The following KIAA1549L variants were observed in gnomAD, a reference collection of about 807,000 sequenced individuals.
KIAA1549L encodes the protein UPF0606 protein KIAA1549L.
KIAA1549L carries 88 observed loss-of-function variants against 160.7 expected under a neutral mutation model. The ratio of observed to expected loss-of-function variants is 0.55; its 90% CI spans 0.46 to 0.65. The LOEUF is 0.65. Ranked by LOEUF, KIAA1549L falls within the 30% of genes least tolerant of loss-of-function variation. KIAA1549L has a pLI of 0.00. For synonymous variants in KIAA1549L, 950 were observed against 976.7 expected (o/e 0.97, Z 0.51); for missense variants, 2,258 against 2,437.5 (o/e 0.93, Z 1.55).
intron 1 of KIAA1549L, among the ~76,000 whole-genome samples, chr11:33,502,764 A>G (rs1368384643): frequency 6.6e-6 from 1 of 152,216 alleles, no homozygotes. Flanking sequence ...CAGACCTCAG[A>G]TCCACCACTT....
At chr11:33,657,599 C>T (rs1266191225) in intron 18 of KIAA1549L, among the ~76,000 whole-genome samples, 2 of 151,994 alleles carry the variant, frequency 1.3e-5, no homozygotes, top group South Asian at 2.1e-4. Context: ...GAGTTTGAGA[C>T]CAGCCTGGAC....
At chr11:33,642,370 ATTTTC>A (rs933410680) in intron 16 of KIAA1549L, among the ~76,000 whole-genome samples, 3 of 152,122 alleles carry the variant, frequency 2.0e-5, no homozygotes, top group African/African-American at 7.2e-5. Flanking sequence ...TGAATGTAAA[ATTTTC>A]TTTTCAATTC....
chr11:33,513,913 T>C (rs894718252), intron 1 of KIAA1549L, among the ~76,000 whole-genome samples: 2 of 152,152 alleles, frequency 1.3e-5, no homozygotes, highest in African/African-American at 2.4e-5. Flanking sequence ...CCCTCTACTG[T>C]CTGAAAATTA....
At position 33,398,118 on chromosome 11, in the gene KIAA1549L, C is replaced by T. The variant is rs531757469; in HGVS notation, c.238+21229C>T. 3.3e-5 allele frequency among the ~76,000 whole-genome samples: 5 copies of T among 151,396 alleles called. No homozygotes were observed. The East Asian group carries it at 9.8e-4, about 30-fold the overall frequency. On this transcript the variant is annotated intron_variant, in intron 1 of 20. Transcript: ENST00000658780. ...TGTATTTTTAGTAGAGACGGGGTTT[C>T]GCCATGTAGGCCAGGCTGCTCTTAA...
intron 1 of KIAA1549L, among the ~76,000 whole-genome samples, chr11:33,447,188 G>A (rs1010418401): frequency 6.6e-6 from 1 of 152,158 alleles, no homozygotes; most frequent in African/African-American, 2.4e-5. Context: ...AACTGTGCAG[G>A]TGGAAAGTCA....
At chr11:33,490,268 C>G (rs1466480909) in intron 1 of KIAA1549L, among the ~76,000 whole-genome samples, 1 of 151,746 alleles carries the variant, frequency 6.6e-6, no homozygotes, top group African/African-American at 2.4e-5. Flanking sequence ...TCCAAGGCCC[C>G]AGGCATGAAG....
intron 17 of KIAA1549L, among the ~76,000 whole-genome samples, chr11:33,649,151 T>C (rs969243778): frequency 3.3e-5 from 5 of 152,104 alleles, no homozygotes; most frequent in East Asian, 1.9e-4. Flanking sequence ...GGGTGACTTA[T>C]AGGGACATCT....
chr11:33,403,399 A>ACT, intron 1 of KIAA1549L: 4 of 151,558 alleles, frequency 2.6e-5, no homozygotes, highest in African/African-American at 9.9e-5. Flanking sequence ...ACACACATGG[A>ACT]CATGGACACA....
At chr11:33,380,711 A>G (rs1300785407) in intron 1 of KIAA1549L, among the ~76,000 whole-genome samples, 1 of 152,094 alleles carries the variant, frequency 6.6e-6, no homozygotes, top group Non-Finnish European at 1.5e-5. Context: ...TAAGAATTTT[A>G]TGAATCTGGG....
At chr11:33,500,710 C>A (rs951076633) in intron 1 of KIAA1549L, among the ~76,000 whole-genome samples, 1 of 152,102 alleles carries the variant, frequency 6.6e-6, no homozygotes, top group African/African-American at 2.4e-5. Context: ...TATGGATATT[C>A]CAATCACCCT....
chr11:33,586,649 G>T (rs1040769877), intron 11 of KIAA1549L, among the ~76,000 whole-genome samples: 6 of 152,002 alleles, frequency 3.9e-5, no homozygotes, highest in African/African-American at 1.2e-4. Context: ...GTAATCTTTT[G>T]CATGAACATC....
chr11:33,629,957 G>T (rs1370894241), intron 16 of KIAA1549L, among the ~76,000 whole-genome samples: 2 of 151,130 alleles, frequency 1.3e-5, no homozygotes, highest in African/African-American at 4.9e-5. Context: ...ATGTACAGAT[G>T]GTTTTTTGGT....
chr11:33,412,663 C>T (rs954072161), intron 1 of KIAA1549L, among the ~76,000 whole-genome samples: 1 of 152,170 alleles, frequency 6.6e-6, no homozygotes, highest in African/African-American at 2.4e-5. Context: ...GCTGATCACC[C>T]ATGATTAGAA....
At chr11:33,525,480 G>A (rs906277874) in intron 1 of KIAA1549L, among the ~76,000 whole-genome samples, 2 of 152,000 alleles carry the variant, frequency 1.3e-5, no homozygotes, top group African/African-American at 4.8e-5. Context: ...AGTCCTTGGG[G>A]AAGGCAGCCA....
rs141342006 is a variant in KIAA1549L, at chr11:33,499,346, T to A, written c.239-42456T>A. Among the ~76,000 whole-genome samples, 195 of 152,334 alleles carry A rather than the reference T, an allele frequency of 1.3e-3. 4 individuals are homozygous for A. The highest frequency in any genetic ancestry group is 4.5e-3 in the African/African-American group (188 of 41,574). The stretch of plus-strand genomic sequence containing the variant: ...TGGCATCCTTCACTAACTAGACTTG[T>A]GTACAAACTCTCATAGGTTTAAGTA... On this transcript the variant is annotated intron_variant, in intron 1 of 20. Coordinates refer to ENST00000658780, the MANE Select transcript of KIAA1549L (RefSeq NM_012194.3).
Position 33,606,713 on chromosome 11 carries a change from A to G in KIAA1549L, c.4952A>G (p.Asp1651Gly). 1 of 1,613,940 alleles carries G rather than the reference A, an allele frequency of 6.2e-7. No homozygotes were observed. Among genetic ancestry groups the G allele is most frequent in the Non-Finnish European group, 8.5e-7 (1 of 1,179,866 alleles). ...AGCAAGGTGGCCGCTGAACCCTTTG[A>G]CACATCTTCTGGGTCTGTGCAGCTC... is the stretch of plus-strand genomic sequence containing the variant. ...NSSKVAAEPFDTSSGSVQLIA... is the reference protein window; with the variant it reads ...NSSKVAAEPFGTSSGSVQLIA... Residue 1651 changes from aspartate (D) to glycine (G), a missense_variant, in exon 14 of 21, where the codon GAC becomes GGC. Coordinates refer to ENST00000658780, the MANE Select transcript of KIAA1549L (RefSeq NM_012194.3).
chr11:33,500,212 A>G (rs555339456), intron 1 of KIAA1549L, among the ~76,000 whole-genome samples: 1 of 152,344 alleles, frequency 6.6e-6, no homozygotes, highest in East Asian at 1.9e-4. Flanking sequence ...TATACGTTAA[A>G]AAAGAGGCTT....
chr11:33,534,487 G>A (rs1853848098), intron 1 of KIAA1549L, among the ~76,000 whole-genome samples: 1 of 151,966 alleles, frequency 6.6e-6, no homozygotes, highest in East Asian at 1.9e-4. Context: ...ATGGTTTTTT[G>A]GGGGAAAGGA....
At chr11:33,527,584 G>T (rs933111859) in intron 1 of KIAA1549L, among the ~76,000 whole-genome samples, 2 of 152,130 alleles carry the variant, frequency 1.3e-5, no homozygotes, top group Admixed American at 1.3e-4. Context: ...AAGATAAATA[G>T]ATAGGACCTA....
Sources: allele counts gnomAD v4.1 joint callset (sites outside exome capture counted in the v4.1 genomes callset), GRCh38; gene constraint gnomAD v4.1.1; transcripts MANE v1.5; gene names NCBI Gene and HGNC (gene_info 2026-07-23, HGNC 2026-07-21).